Variants in INPP5A observed in about 807,000 individuals in gnomAD.
INPP5A encodes the protein 43 kDa inositol polyphosphate 5-phophatase.
INPP5A carries 14 observed loss-of-function variants against 65.2 expected under a neutral mutation model. The observed-to-expected ratio is 0.21, with a 90% CI of 0.14 to 0.34. INPP5A has a LOEUF of 0.34. Ranked by LOEUF, INPP5A falls within the 10% of genes least tolerant of loss-of-function variation. The pLI, the probability that INPP5A is intolerant of heterozygous loss-of-function variation, is 1.00. For missense variants in INPP5A, 431 were observed against 545.6 expected, an observed-to-expected ratio of 0.79 and a Z score of 2.09; for synonymous variants, 207 against 208.3, an observed-to-expected ratio of 0.99 and a Z score of 0.05.
chr10:132,646,952 C>T (rs1304962224), intron 3 of INPP5A, among the ~76,000 whole-genome samples: 2 of 152,130 alleles, frequency 1.3e-5, no homozygotes, highest in African/African-American at 2.4e-5. Context: ...TGAGTGTGAG[C>T]GAGGCTTCAG....
chr10:132,703,300 C>CGGT (rs1201641379), intron 6 of INPP5A, among the ~76,000 whole-genome samples: 1 of 152,102 alleles, frequency 6.6e-6, no homozygotes, highest in Non-Finnish European at 1.5e-5. Context: ...CCTGTGCCCG[C>CGGT]GGTGCCTGTC....
chr10:132,731,825 C>T lies in INPP5A; in HGVS notation c.732+4920C>T, dbSNP rs113967811. ...GCCGCATGTGCTCTGTGGTTATCAC[C>T]GAGGCATGCCCAGGGCGTTCGTGGG... On this transcript the variant is annotated intron_variant, in intron 9 of 15. Transcript: ENST00000368594. Among the ~76,000 whole-genome samples the T allele has an allele frequency of 8.6e-3, 1,304 of 152,332 alleles. 7 individuals are homozygous for T. Among genetic ancestry groups the T allele is most frequent in the Non-Finnish European group, 0.014 (969 of 68,022 alleles).
At chr10:132,669,423 A>C (rs2072853268) in intron 4 of INPP5A, among the ~76,000 whole-genome samples, 1 of 152,012 alleles carries the variant, frequency 6.6e-6, no homozygotes, top group South Asian at 2.1e-4. Flanking sequence ...CTTAACCTCA[A>C]GGCTTTCTAT....
chr10:132,650,070 C>A lies in INPP5A; in HGVS notation c.219-348C>A, dbSNP rs1459010768. On this transcript the variant is annotated intron_variant, in intron 3 of 15. Coordinates refer to ENST00000368594, the MANE Select transcript of INPP5A (RefSeq NM_005539.5). This position sits in a 1 kb window ranked among gnomAD's most constrained non-coding sequence, Gnocchi z 5.5. ...GTCCAATTTCTCTCTTAAGACCAAGCGTGAGCTATCAGGAGAGCCCCCAGA... is the reference window on the plus strand; with the variant it reads ...GTCCAATTTCTCTCTTAAGACCAAGAGTGAGCTATCAGGAGAGCCCCCAGA... Among the ~76,000 whole-genome samples, 1 of 152,186 alleles carries A rather than the reference C, an allele frequency of 6.6e-6. No individual in the cohort carries two copies. The highest frequency in any genetic ancestry group is 2.4e-5 in the African/African-American group (1 of 41,442).
intron 2 of INPP5A, among the ~76,000 whole-genome samples, chr10:132,640,169 G>T (rs2072407459): frequency 6.6e-6 from 1 of 152,304 alleles, no homozygotes; most frequent in Admixed American, 6.5e-5. Flanking sequence ...ATAGACACTG[G>T]CTTTTCTTAC....
intron 2 of INPP5A, among the ~76,000 whole-genome samples, chr10:132,613,023 G>A (rs2071980503): frequency 6.6e-6 from 1 of 152,188 alleles, no homozygotes; most frequent in Non-Finnish European, 1.5e-5. Context: ...GGGAGCAGGC[G>A]GCAAGACCCC....
chr10:132,599,022 A>G (rs1186752960), intron 1 of INPP5A, among the ~76,000 whole-genome samples: 1 of 152,182 alleles, frequency 6.6e-6, no homozygotes, highest in African/African-American at 2.4e-5. Context: ...TGGGAGATAC[A>G]ATTCAAGTGA....
At chr10:132,774,680 C>T (rs1293353558) in intron 12 of INPP5A, among the ~76,000 whole-genome samples, 1 of 152,074 alleles carries the variant, frequency 6.6e-6, no homozygotes, top group African/African-American at 2.4e-5. Context: ...CCCTACCTAC[C>T]CAGCCCAGCC....
intron 9 of INPP5A, among the ~76,000 whole-genome samples, chr10:132,739,827 C>G (rs1459870741): frequency 6.6e-6 from 1 of 152,226 alleles, no homozygotes; most frequent in Non-Finnish European, 1.5e-5. Flanking sequence ...GGGGCCTCAG[C>G]AGAGGCGTCT....
chr10:132,605,574 C>CTGGTGGGA (rs994899333), intron 1 of INPP5A, among the ~76,000 whole-genome samples: 8 of 151,770 alleles, frequency 5.3e-5, no homozygotes, highest in South Asian at 2.1e-4. Context: ...CCAAGGGAGG[C>CTGGTGGGA]TGGTGGGATG....
Position 132,767,916 on chromosome 10 carries a change from C to T in INPP5A, c.977+2070C>T, listed in dbSNP as rs181394447. Among the ~76,000 whole-genome samples, 474 of 147,350 alleles carry T rather than the reference C, an allele frequency of 3.2e-3. 1 individual carries two copies. Among genetic ancestry groups the T allele is most frequent in the Non-Finnish European group, 5.2e-3 (347 of 67,126 alleles). ...AGAAAGATCCATGGACCCCAACCCTCGGCATTCCCAGGGTGCCCACGCGCC... is the reference window on the plus strand; with the variant it reads ...AGAAAGATCCATGGACCCCAACCCTTGGCATTCCCAGGGTGCCCACGCGCC... On this transcript the variant is annotated intron_variant, in intron 12 of 15. Coordinates refer to ENST00000368594, the MANE Select transcript of INPP5A (RefSeq NM_005539.5).
At chr10:132,720,710 T>C (rs991638193) in intron 8 of INPP5A, among the ~76,000 whole-genome samples, 2 of 148,590 alleles carry the variant, frequency 1.3e-5, no homozygotes, top group African/African-American at 5.0e-5. Context: ...GACAGCTGTC[T>C]TCAGGGTTCT....
intron 1 of INPP5A, among the ~76,000 whole-genome samples, chr10:132,601,592 C>G (rs951046417): frequency 2.0e-5 from 3 of 152,150 alleles, no homozygotes; most frequent in Non-Finnish European, 4.4e-5. Context: ...CACAAAGTTT[C>G]TCCCCTATGT....
In INPP5A at chr10:132,556,354, C is replaced by A. The variant is rs541998121; in HGVS notation, c.75+18183C>A. ...TGTTCGGCTGTCACATGGGCTGATGCGGCGAGCCCTCTCCGTGCACCTCCA... is the reference window on the plus strand; with the variant it reads ...TGTTCGGCTGTCACATGGGCTGATGAGGCGAGCCCTCTCCGTGCACCTCCA... On this transcript the variant is annotated intron_variant, in intron 1 of 15. Transcript: ENST00000368594. Among the ~76,000 whole-genome samples the A allele has an allele frequency of 2.6e-5, 4 of 152,112 alleles. No individual in the cohort carries two copies. In the East Asian group the frequency reaches 7.7e-4, roughly 29 times the overall value.
chr10:132,626,357 T>TC (rs1290075816), intron 2 of INPP5A, among the ~76,000 whole-genome samples: 5 of 152,212 alleles, frequency 3.3e-5, no homozygotes, highest in African/African-American at 1.2e-4. Flanking sequence ...CTGGGTCCAT[T>TC]CCTCAGGGAG....
chr10:132,771,130 TG>T (rs1846940409), intron 12 of INPP5A, among the ~76,000 whole-genome samples: 1 of 152,170 alleles, frequency 6.6e-6, no homozygotes, highest in Non-Finnish European at 1.5e-5. Context: ...ATGGTGTCCG[TG>T]AAAACGAGCA....
rs1845613814 is a variant in INPP5A, at chr10:132,710,425, C to T, written c.616C>T (p.Arg206Trp). ...AAGCCCTTCCGTGTACTCGGGAATCCGGCACAAGGCACTGGGCTACGTGCT... is the reference window on the plus strand; with the variant it reads ...AAGCCCTTCCGTGTACTCGGGAATCTGGCACAAGGCACTGGGCTACGTGCT... ...ETSPSVYSGI[R>W]HKALGYVLDR... is the part of the protein sequence containing the mutation. Residue 206 changes from arginine (R) to tryptophan (W), a missense_variant, in exon 8 of 16, where the codon CGG (arginine) becomes TGG (tryptophan). Coordinates refer to ENST00000368594, the MANE Select transcript of INPP5A (RefSeq NM_005539.5). 3 of 1,613,970 alleles carry T rather than the reference C, an allele frequency of 1.9e-6. No individual in the cohort carries two copies. The highest frequency in any genetic ancestry group is 1.7e-6 in the Non-Finnish European group (2 of 1,180,020).
intron 1 of INPP5A, among the ~76,000 whole-genome samples, chr10:132,580,136 A>C (rs935925110): frequency 6.6e-5 from 10 of 151,912 alleles, no homozygotes; most frequent in Admixed American, 4.6e-4. Flanking sequence ...ATTATTTGGC[A>C]ACTTGCAGTG....
rs562839902 is a variant in INPP5A at position 132,625,018 on chromosome 10, C to T, written c.117+17062C>T. ...GCTGCCACCCTGCCCACGCCACAGT[C>T]CACTCTCCTTGGTTGGTTGCAGGGC... is the stretch of plus-strand genomic sequence containing the variant. On this transcript the variant is annotated intron_variant, in intron 2 of 15. Coordinates refer to ENST00000368594, the MANE Select transcript of INPP5A (RefSeq NM_005539.5). Among the ~76,000 whole-genome samples the T allele has an allele frequency of 2.0e-5, 3 of 152,008 alleles. No individual in the cohort carries two copies. The East Asian group carries it at 5.8e-4, about 30-fold the overall frequency.
Sources: allele counts gnomAD v4.1 joint callset (sites outside exome capture counted in the v4.1 genomes callset), GRCh38; gene constraint gnomAD v4.1.1; non-coding constraint Gnocchi (gnomAD v3.1); transcripts MANE v1.5; gene names NCBI Gene and HGNC (gene_info 2026-07-23, HGNC 2026-07-21).